PRIM2: variants seen among roughly 807,000 people sequenced by gnomAD.
The protein encoded by PRIM2 is DNA primase subunit 2.
PRIM2 carries 39 observed loss-of-function variants against 67.3 expected under a neutral mutation model. The ratio of observed to expected loss-of-function variants is 0.58; its 90% CI spans 0.45 to 0.76. PRIM2 has a LOEUF of 0.76. Among genes scored for constraint, PRIM2 ranks in the 30% least tolerant of loss-of-function variants. PRIM2 has a pLI of 0.00. For missense variants in PRIM2, 398 were observed against 598.7 expected, an observed-to-expected ratio of 0.66 and a Z score of 3.50; for synonymous variants, 143 against 198.7, an observed-to-expected ratio of 0.72 and a Z score of 2.36.
At chr6:57,525,993 G>T (rs1774743453) in intron 8 of PRIM2, among the ~76,000 whole-genome samples, 1 of 152,180 alleles carries the variant, frequency 6.6e-6, no homozygotes. Flanking sequence ...TCCAGATCAG[G>T]ACAACAACTG....
intron 7 of PRIM2, among the ~76,000 whole-genome samples, chr6:57,423,278 C>T (rs949439854): frequency 2.6e-5 from 4 of 152,124 alleles, no homozygotes; most frequent in South Asian, 2.1e-4. Flanking sequence ...CATGCTTTCA[C>T]ATAGTTCCTT....
chr6:57,443,589 A>G (rs1168273339), intron 7 of PRIM2, among the ~76,000 whole-genome samples: 1 of 152,062 alleles, frequency 6.6e-6, no homozygotes, highest in African/African-American at 2.4e-5. Context: ...TCCCTTGCCC[A>G]TTTTTAAACT....
At chr6:57,596,631 C>T (rs1296823196) in intron 10 of PRIM2, among the ~76,000 whole-genome samples, 1 of 142,470 alleles carries the variant, frequency 7.0e-6, no homozygotes, top group Non-Finnish European at 1.5e-5. Context: ...TAAATTATAA[C>T]CTCAAATTAA....
At chr6:57,464,657 C>A (rs1427663667) in intron 7 of PRIM2, among the ~76,000 whole-genome samples, 1 of 151,518 alleles carries the variant, frequency 6.6e-6, no homozygotes, top group Non-Finnish European at 1.5e-5. Context: ...AATAAATAAG[C>A]CAGCTACCAA....
rs1297250860 is a variant in PRIM2 at position 57,646,089 on chromosome 6, G to A, written c.1461G>A (p.Leu487=). The A allele has an allele frequency of 6.2e-6, 10 of 1,603,270 alleles. No homozygotes were observed. Among genetic ancestry groups the A allele is most frequent in the South Asian group, 2.2e-5 (2 of 90,838 alleles). ...VQKTKDASSA[L]ASLNSSLEMD... is the part of the protein sequence containing the mutation. ...AAACCAAGGATGCATCATCTGCTCT[G>A]GCCTCTTTAAATTCCTCTCTGGAAA... Residue 487 remains leucine, a synonymous_variant, in exon 14 of 14, where the codon CTG becomes CTA. Coordinates refer to ENST00000615550, the MANE Select transcript of PRIM2 (RefSeq NM_000947.5).
chr6:57,420,392 A>G (rs1771426604), intron 7 of PRIM2, among the ~76,000 whole-genome samples: 1 of 152,056 alleles, frequency 6.6e-6, no homozygotes. Flanking sequence ...AATCCCAGCT[A>G]CTCAGGAGGC....
chr6:57,287,890 C>A, the PRIM2 span, among the ~76,000 whole-genome samples: 1 of 152,114 alleles, frequency 6.6e-6, no homozygotes, highest in African/African-American at 2.4e-5. Flanking sequence ...GCATTTCCAA[C>A]TGAAGTACGT....
intron 7 of PRIM2, among the ~76,000 whole-genome samples, chr6:57,474,594 T>C (rs1773429741): frequency 6.6e-6 from 1 of 152,088 alleles, no homozygotes. Flanking sequence ...GTGGCGGGTA[T>C]TCCTAAATGA....
intron 7 of PRIM2, among the ~76,000 whole-genome samples, chr6:57,448,409 A>G (rs1344734271): frequency 6.6e-6 from 1 of 152,216 alleles, no homozygotes; most frequent in African/African-American, 2.4e-5. Flanking sequence ...ATGGAATACC[A>G]AACTCTGTAA....
intron 7 of PRIM2, chr6:57,383,268 T>A (rs1232585186): frequency 6.6e-6 from 1 of 152,034 alleles, no homozygotes; most frequent in African/African-American, 2.4e-5. Context: ...TATTCTTAGT[T>A]TTATTCACCC....
At chr6:57,414,572 T>TA (rs1253962471) in intron 7 of PRIM2, among the ~76,000 whole-genome samples, 1 of 152,154 alleles carries the variant, frequency 6.6e-6, no homozygotes, top group Non-Finnish European at 1.5e-5. Context: ...TTTATGTACT[T>TA]ACAAAATAAT....
chr6:57,352,438 AC>A (rs1436576809), intron 5 of PRIM2, among the ~76,000 whole-genome samples: 1 of 151,878 alleles, frequency 6.6e-6, no homozygotes, highest in Non-Finnish European at 1.5e-5. Context: ...ATGGGGTTTC[AC>A]CATGTTGGCC....
the PRIM2 span, among the ~76,000 whole-genome samples, chr6:57,303,742 A>G: frequency 2.0e-5 from 3 of 152,016 alleles, no homozygotes; most frequent in East Asian, 3.9e-4. Context: ...CAGCCTCCCA[A>G]GTAGCTGTGA....
chr6:57,519,150 A>C, intron 8 of PRIM2, among the ~76,000 whole-genome samples: 2 of 152,340 alleles, frequency 1.3e-5, no homozygotes, highest in South Asian at 4.1e-4. Flanking sequence ...AGGTAATAGA[A>C]TATCACGAGG....
At chr6:57,444,093 C>G (rs72873577) in intron 7 of PRIM2, among the ~76,000 whole-genome samples, 1 of 152,068 alleles carries the variant, frequency 6.6e-6, no homozygotes, top group South Asian at 2.1e-4. Context: ...AGGTTTATTT[C>G]TGGGCTCTGT....
At chr6:57,259,449 C>T in the PRIM2 span, among the ~76,000 whole-genome samples, 1 of 152,160 alleles carries the variant, frequency 6.6e-6, no homozygotes, top group Non-Finnish European at 1.5e-5. Context: ...TCTGCCTCAT[C>T]CTGTTCGTCA....
At chr6:57,614,646 C>T (rs1366121199) in intron 12 of PRIM2, among the ~76,000 whole-genome samples, 1 of 152,098 alleles carries the variant, frequency 6.6e-6, no homozygotes, top group African/African-American at 2.4e-5. Context: ...GTCAGGATAT[C>T]GAGACCATCC....
chr6:57,632,635 A>G (rs1478543024), intron 13 of PRIM2, among the ~76,000 whole-genome samples: 1 of 152,222 alleles, frequency 6.6e-6, no homozygotes, highest in Non-Finnish European at 1.5e-5. Context: ...GATCCAATAG[A>G]ACTCTATTGA....
chr6:57,280,186 C>A, the PRIM2 span, among the ~76,000 whole-genome samples: 1 of 152,106 alleles, frequency 6.6e-6, no homozygotes, highest in African/African-American at 2.4e-5. Context: ...AAAAAATTCT[C>A]ATTGAAGAAA....
Sources: gnomAD v4.1 joint callset for allele counts (sites outside exome capture counted in the v4.1 genomes callset) on GRCh38, gnomAD v4.1.1 for gene constraint, MANE v1.5 for transcripts, NCBI Gene and HGNC (gene_info 2026-07-23, HGNC 2026-07-21) for gene names.